Variants in MARF1 observed in about 807,000 individuals in gnomAD.
MARF1 encodes the protein meiosis regulator and mRNA stability factor 1.
MARF1 carries 24 observed loss-of-function variants against 168.2 expected under a neutral mutation model. That is an observed-to-expected ratio of 0.14 (90% confidence interval 0.10 to 0.20). MARF1 has a LOEUF of 0.20. Among genes scored for constraint, MARF1 ranks in the 10% least tolerant of loss-of-function variants. MARF1 has a pLI of 1.00. For missense variants in MARF1, 1,744 were observed against 2,143.6 expected (o/e 0.81, Z 3.68); for synonymous variants, 868 against 822.4 (o/e 1.06, Z -0.95).
chr16:15,601,326 G>A, intron 23 of MARF1: 1 of 331,942 alleles, frequency 3.0e-6, no homozygotes, highest in Non-Finnish European at 6.0e-6. Context: ...GACCTCTGCA[G>A]TGGCCAGGAT....
chr16:15,609,143 G>A (rs2033289729), intron 20 of MARF1, among the ~76,000 whole-genome samples: 1 of 152,170 alleles, frequency 6.6e-6, no homozygotes, highest in South Asian at 2.1e-4. Context: ...GGGAGGTTGA[G>A]GCAAGTGAAC....
chr16:15,620,417 C>A (rs1287446373), intron 13 of MARF1, 34 bp downstream of exon 13: 7 of 1,396,040 alleles, frequency 5.0e-6, no homozygotes, highest in Non-Finnish European at 6.1e-6. Context: ...CCAATCAGTA[C>A]TGACTGGATA....
rs539088364 is a variant in MARF1 at position 15,604,297 on chromosome 16, T to C, written c.4284A>G (p.Gly1428=). Residue 1428 remains glycine, a synonymous_variant, in exon 22 of 27, where the codon GGA becomes GGG. Transcript: ENST00000396368. ...GCTCCTCAACAGAAAGATGGGTGGTTCCTTCCCAAGACATCAACAATACCA... is the reference window on the plus strand; with the variant it reads ...GCTCCTCAACAGAAAGATGGGTGGTCCCTTCCCAAGACATCAACAATACCA... The part of the protein sequence containing the change: ...QLLVLLMSWE[G]TTHLSVEELK... 1.2e-6 allele frequency: 2 copies of C among 1,614,078 alleles called. No individual in the cohort carries two copies. The highest frequency in any genetic ancestry group is 3.3e-5 in the Admixed American group (2 of 60,016).
intron 3 of MARF1, 126 bp downstream of exon 3, chr16:15,635,530 G>A (rs536246275): frequency 3.6e-6 from 3 of 827,018 alleles, no homozygotes; most frequent in Non-Finnish European, 5.6e-6. Context: ...ATGCTGATGG[G>A]GAGATTCCCC....
intron 25 of MARF1, 123 bp downstream of exon 25, chr16:15,600,305 G>T: frequency 7.8e-7 from 1 of 1,277,062 alleles, no homozygotes; most frequent in South Asian, 1.3e-5. Context: ...TGAAAAATGT[G>T]TGGCTATGTA....
intron 2 of MARF1, among the ~76,000 whole-genome samples, chr16:15,638,126 T>G (rs1305885457): frequency 6.6e-6 from 1 of 152,148 alleles, no homozygotes; most frequent in Non-Finnish European, 1.5e-5. Flanking sequence ...ATCGTGCCAC[T>G]GCACTCCAGC....
chr16:15,600,566 G>A lies in MARF1; in HGVS notation c.4688-13C>T. 6.2e-7 allele frequency: 1 copy of A among 1,614,196 alleles called. No homozygotes were observed. The highest frequency in any genetic ancestry group is 1.1e-5 in the South Asian group (1 of 91,090). On this transcript the variant is annotated splice_polypyrimidine_tract_variant and intron_variant, in intron 24 of 26. Coordinates refer to ENST00000396368, the MANE Select transcript of MARF1 (RefSeq NM_014647.4). ...GAACTCAAACGACCTACAGGACAAA[G>A]AGCACCCGTCAGAGAGAAATGTCAG...
chr16:15,602,228 T>C, intron 22 of MARF1, 25 bp from the exon 23 acceptor site: 1 of 1,590,686 alleles, frequency 6.3e-7, no homozygotes, highest in Non-Finnish European at 8.6e-7. Context: ...AACGCAGCAT[T>C]AGAAATATTA....
In MARF1 at chr16:15,595,222, G is replaced by A. The variant is rs2031564211; in HGVS notation, c.*1471C>T. ...TGGGGCCATGTGTTGAGAACTGGGA[G>A]TCACTGGCTTCATTTAAAAGATTTG... On this transcript the variant is annotated 3_prime_UTR_variant, in exon 27 of 27. Coordinates refer to ENST00000396368, the MANE Select transcript of MARF1 (RefSeq NM_014647.4). 3 of 152,678 alleles carry A rather than the reference G, an allele frequency of 2.0e-5. No homozygotes were observed. The highest frequency in any genetic ancestry group is 7.2e-5 in the African/African-American group (3 of 41,534). The allele number at this position is 152,678 out of a possible 1,614,324, so 9.5% of individuals were successfully genotyped here. A position where few individuals can be genotyped will look rare whatever the true frequency, so the allele number is the denominator to read the frequency against.
At chr16:15,634,635 G>T in intron 4 of MARF1, 122 bp downstream of exon 4, 1 of 831,458 alleles carries the variant, frequency 1.2e-6, no homozygotes, top group Non-Finnish European at 1.8e-6. Flanking sequence ...TGGAATTGGA[G>T]ACTCACATAC....
intron 25 of MARF1, 103 bp downstream of exon 25, chr16:15,600,325 G>A (rs2032284374): frequency 6.8e-7 from 1 of 1,462,240 alleles, no homozygotes; most frequent in African/African-American, 1.4e-5. Context: ...AACTTCAGCA[G>A]ATTGGATGAC....
Position 15,625,244 on chromosome 16 carries a change from C to T in MARF1, c.1954-71G>A, listed in dbSNP as rs778260637. 85 of 1,573,770 alleles carry T rather than the reference C, an allele frequency of 5.4e-5. No homozygotes were observed. The Middle Eastern group carries it at 2.0e-3, about 36-fold the overall frequency. ...GATGTGTTAGATCCTTTACAGAAAA[C>T]GATTGACTTTGAGTATCATCAAACA... On this transcript the variant is annotated intron_variant, in intron 8 of 26. Transcript: ENST00000396368.
rs2035553873 is a variant in MARF1 at position 15,635,807 on chromosome 16, G to T, written c.680C>A (p.Ser227Tyr). ...CCCTGGAGCCCCGCTTGTGAAATCAGAACAGGGGAAATAGCCAGCGGAGGT... is the reference window on the plus strand; with the variant it reads ...CCCTGGAGCCCCGCTTGTGAAATCATAACAGGGGAAATAGCCAGCGGAGGT... ...GCTSAGYFPC[S>Y]DFTSGAPGHL... Residue 227 changes from serine to tyrosine, a missense_variant, in exon 3 of 27, where the codon TCT (serine) becomes TAT (tyrosine). This residue lies in a region of MARF1 where 318 missense variants were observed against 336.6 expected (regional missense o/e 0.94). Coordinates refer to ENST00000396368, the MANE Select transcript of MARF1 (RefSeq NM_014647.4). 6.2e-7 allele frequency: 1 copy of T among 1,614,082 alleles called. No individual in the cohort carries two copies. The highest frequency in any genetic ancestry group is 8.5e-7 in the Non-Finnish European group (1 of 1,180,036).
intron 25 of MARF1, among the ~76,000 whole-genome samples, chr16:15,600,018 T>A (rs1180994129): frequency 6.6e-6 from 1 of 152,196 alleles, no homozygotes; most frequent in Non-Finnish European, 1.5e-5. Context: ...CCTGCATGCC[T>A]ATAGCAAGAA....
Position 15,634,859 on chromosome 16 carries a change from G to A in MARF1, c.904C>T (p.Pro302Ser). 1 of 1,614,138 alleles carries A rather than the reference G, an allele frequency of 6.2e-7. No homozygotes were observed. The highest frequency in any genetic ancestry group is 8.5e-7 in the Non-Finnish European group (1 of 1,179,984). ...CCATTACACAGAGGGACAGCAAGAG[G>A]TGCAGGTTGAGTATTTGGAGGTGGT... The part of the protein sequence containing the change: ...NIPPPNTQPA[P>S]LAVPLCNGCG... Residue 302 changes from proline to serine, a missense_variant, in exon 4 of 27, where the codon CCT becomes TCT. By Grantham distance (74) the Pro-to-Ser change is moderately conservative. This residue lies in a region of MARF1 where 217 missense variants were observed against 372.4 expected (regional missense o/e 0.58). Coordinates refer to ENST00000396368, the MANE Select transcript of MARF1 (RefSeq NM_014647.4).
chr16:15,642,306 G>A (rs1048751878), intron 1 of MARF1, among the ~76,000 whole-genome samples: 1 of 152,128 alleles, frequency 6.6e-6, no homozygotes, highest in African/African-American at 2.4e-5. Context: ...CATGACAGCA[G>A]AGACTATGTT....
intron 16 of MARF1, among the ~76,000 whole-genome samples, chr16:15,614,479 C>G (rs2033876653): frequency 1.1e-5 from 1 of 89,738 alleles, no homozygotes; most frequent in African/African-American, 4.6e-5. Flanking sequence ...GTGACTCCGT[C>G]TCAAAAAAAA....
At chr16:15,623,849 C>A (rs1478309973) in intron 10 of MARF1, among the ~76,000 whole-genome samples, 1 of 151,376 alleles carries the variant, frequency 6.6e-6, no homozygotes, top group Non-Finnish European at 1.5e-5. Context: ...TCTTTCTGCA[C>A]ATAAGGAAAA....
chr16:15,620,065 T>C (rs1427751319), intron 13 of MARF1, among the ~76,000 whole-genome samples: 1 of 152,204 alleles, frequency 6.6e-6, no homozygotes, highest in East Asian at 1.9e-4. Context: ...CTCGGGAGGC[T>C]GAGGCATGAG....
Sources: gnomAD v4.1 joint callset for allele counts (sites outside exome capture counted in the v4.1 genomes callset) on GRCh38, gnomAD v4.1.1 for gene constraint, gnomAD v4.1.1 regional missense constraint, MANE v1.5 for transcripts, NCBI Gene and HGNC (gene_info 2026-07-23, HGNC 2026-07-21) for gene names.